UBR1: variants seen among roughly 807,000 people sequenced by gnomAD.
The protein encoded by UBR1 is E3 ubiquitin-protein ligase UBR1.
A neutral mutation model predicts 242.1 loss-of-function variants in UBR1; 102 were observed. The ratio of observed to expected loss-of-function variants is 0.42; its 90% confidence interval spans 0.36 to 0.50. The LOEUF is 0.50. Ranked by LOEUF, UBR1 falls within the 20% of genes least tolerant of loss-of-function variation. The pLI, the probability that UBR1 is intolerant of heterozygous loss-of-function variation, is 0.01. For missense variants in UBR1, 1,772 were observed against 2,101.8 expected (o/e 0.84, Z 3.07); for synonymous variants, 675 against 684.8 (o/e 0.99, Z 0.22).
Position 42,990,129 on chromosome 15 carries a change from T to G in UBR1, c.3758-9A>C. The G allele has an allele frequency of 1.3e-6, 2 of 1,561,940 alleles. No individual in the cohort carries two copies. Among genetic ancestry groups the G allele is most frequent in the Non-Finnish European group, 1.7e-6 (2 of 1,144,138 alleles). On this transcript the variant is annotated splice_polypyrimidine_tract_variant and intron_variant, in intron 33 of 46. Coordinates refer to ENST00000290650, the MANE Select transcript of UBR1 (RefSeq NM_174916.3). ...AGGAATTGGGTTTTCTCCTTATAAA[T>G]TAAAAGGAAAAAGAAAGAAAAATCA...
At chr15:42,969,377 T>C (rs1320988124) in intron 40 of UBR1, among the ~76,000 whole-genome samples, 3 of 152,248 alleles carry the variant, frequency 2.0e-5, no homozygotes, top group Admixed American at 6.5e-5. Context: ...GCTTTTTTCT[T>C]GTAAATTTGT....
chr15:42,947,973 C>T (rs992384670), intron 46 of UBR1, among the ~76,000 whole-genome samples: 5 of 152,168 alleles, frequency 3.3e-5, no homozygotes, highest in Non-Finnish European at 5.9e-5. Context: ...GCCTGCATTG[C>T]CAAGTCAATC....
intron 44 of UBR1, among the ~76,000 whole-genome samples, chr15:42,954,089 T>C (rs1450319710): frequency 6.6e-6 from 1 of 152,036 alleles, no homozygotes; most frequent in Non-Finnish European, 1.5e-5. Context: ...CTCCCCATGT[T>C]GCCTAGGCTG....
intron 36 of UBR1, among the ~76,000 whole-genome samples, chr15:42,984,571 A>G (rs1168910801): frequency 6.6e-6 from 1 of 152,188 alleles, no homozygotes. Context: ...AATGTTATAT[A>G]ATGGTGTAAA....
intron 1 of UBR1, among the ~76,000 whole-genome samples, chr15:43,100,127 G>A (rs1339572136): frequency 5.3e-5 from 8 of 152,104 alleles, no homozygotes; most frequent in Non-Finnish European, 5.9e-5. Flanking sequence ...AACCCACCTC[G>A]GCCTCCCAAA....
At position 42,976,845 on chromosome 15, in the gene UBR1, G is replaced by A; in HGVS notation, c.4241C>T (p.Pro1414Leu). The A allele has an allele frequency of 4.3e-6, 7 of 1,613,844 alleles. No individual in the cohort carries two copies. Among genetic ancestry groups the A allele is most frequent in the Non-Finnish European group, 5.9e-6 (7 of 1,179,880 alleles). The change falls in exon 39 of 47, where the codon CCA (proline) becomes CTA (leucine). Residue 1414 changes from proline to leucine, a missense_variant. Physicochemically the swap from Pro to Leu is moderately conservative, Grantham distance 98. This residue lies in a region of UBR1 where 965 missense variants were observed against 1,079.7 expected (regional missense o/e 0.89). Coordinates refer to ENST00000290650, the MANE Select transcript of UBR1 (RefSeq NM_174916.3). ...AACAGGGTCATCCCAATACAAGGAT[G>A]GGAATGCTAACACAGCACCCACCTA... is the stretch of plus-strand genomic sequence containing the variant. ...HVLVGAVLAFPSLYWDDPVDL... is the reference protein window; with the variant it reads ...HVLVGAVLAFLSLYWDDPVDL...
At chr15:43,094,120 G>A (rs906525022) in intron 1 of UBR1, among the ~76,000 whole-genome samples, 1 of 152,048 alleles carries the variant, frequency 6.6e-6, no homozygotes, top group African/African-American at 2.4e-5. Context: ...CTTATCCTGA[G>A]CACTAAACTG....
intron 6 of UBR1, among the ~76,000 whole-genome samples, chr15:43,065,348 T>A (rs2033739224): frequency 6.6e-6 from 1 of 152,164 alleles, no homozygotes; most frequent in African/African-American, 2.4e-5. Flanking sequence ...CCTTTCCTAT[T>A]CTCTTCCTTT....
In UBR1 at chr15:43,037,854, T is replaced by C. The variant is rs2033357316; in HGVS notation, c.1941A>G (p.Glu647=). 1 of 1,613,978 alleles carries C rather than the reference T, an allele frequency of 6.2e-7. No homozygotes were observed. The change falls in exon 17 of 47, where the codon GAA becomes GAG. Residue 647 remains glutamate (E), a synonymous_variant. Coordinates refer to ENST00000290650, the MANE Select transcript of UBR1 (RefSeq NM_174916.3). ...FEDFQVEVLV[E]YPLRCLVLVA... ...CCAACACCAGACAACGTAAAGGATA[T>C]TCCACTAGTACCTCTACTTGAAAGT...
chr15:43,094,204 C>A (rs902212246), intron 1 of UBR1, among the ~76,000 whole-genome samples: 1 of 151,914 alleles, frequency 6.6e-6, no homozygotes, highest in Admixed American at 6.6e-5. Flanking sequence ...CTGAGGCGGG[C>A]GGATTACTTG....
intron 16 of UBR1, 127 bp from the exon 17 acceptor site, chr15:43,038,010 A>C: frequency 8.4e-7 from 1 of 1,195,568 alleles, no homozygotes; most frequent in East Asian, 2.5e-5. Flanking sequence ...ATGACGTCTA[A>C]GTCCCTGTGA....
intron 33 of UBR1, among the ~76,000 whole-genome samples, chr15:42,992,822 G>C (rs750421117): frequency 6.6e-6 from 1 of 152,184 alleles, no homozygotes; most frequent in Non-Finnish European, 1.5e-5. Flanking sequence ...CATGCTGTCA[G>C]TCAGATTTAT....
At chr15:42,972,722 C>T (rs1237185343) in intron 39 of UBR1, among the ~76,000 whole-genome samples, 1 of 152,160 alleles carries the variant, frequency 6.6e-6, no homozygotes, top group African/African-American at 2.4e-5. Flanking sequence ...TCTGGATATA[C>T]TGTAATTTAT....
chr15:43,093,749 G>A (rs999324274), intron 1 of UBR1, among the ~76,000 whole-genome samples: 4 of 135,050 alleles, frequency 3.0e-5, no homozygotes, highest in Non-Finnish European at 4.5e-5. Context: ...TCGCGCCACC[G>A]CACTTCATTC....
intron 43 of UBR1, 98 bp from the exon 44 acceptor site, chr15:42,958,188 G>A (rs879118833): frequency 2.3e-5 from 16 of 700,650 alleles, no homozygotes; most frequent in South Asian, 3.9e-5. Context: ...AATAACAAAA[G>A]GATCTACACT....
chr15:42,946,623 C>G (rs2031739363), intron 46 of UBR1, among the ~76,000 whole-genome samples: 1 of 152,154 alleles, frequency 6.6e-6, no homozygotes, highest in Admixed American at 6.5e-5. Flanking sequence ...TAAGTGTATT[C>G]TTTCTGAGCA....
intron 3 of UBR1, among the ~76,000 whole-genome samples, chr15:43,080,248 A>G (rs1283915215): frequency 2.6e-5 from 4 of 152,220 alleles, no homozygotes; most frequent in Non-Finnish European, 5.9e-5. Flanking sequence ...TTAATGTATC[A>G]TGAAACATTT....
At position 43,019,727 on chromosome 15, in the gene UBR1, C is replaced by T. The variant is rs186069068; in HGVS notation, c.2940+1548G>A. Among the ~76,000 whole-genome samples the T allele has an allele frequency of 5.3e-4, 79 of 148,058 alleles. No homozygotes were observed. In the South Asian group the frequency reaches 6.4e-3, roughly 12 times the overall value. ...CCTCCTGAGTAGCTGGGATTACAGG[C>T]GCCTGCCACCACGCCTGCCACCACG... is the stretch of plus-strand genomic sequence containing the variant. On this transcript the variant is annotated intron_variant, in intron 27 of 46. Coordinates refer to ENST00000290650, the MANE Select transcript of UBR1 (RefSeq NM_174916.3).
intron 44 of UBR1, 42 bp downstream of exon 44, chr15:42,957,971 A>T (rs769746849): frequency 1.3e-6 from 2 of 1,531,660 alleles, no homozygotes; most frequent in Non-Finnish European, 1.8e-6. Context: ...AGTTCAGAAA[A>T]TGATTTAAAA....
Sources: allele counts gnomAD v4.1 joint callset (sites outside exome capture counted in the v4.1 genomes callset), GRCh38; gene constraint gnomAD v4.1.1; regional missense constraint gnomAD v4.1.1; transcripts MANE v1.5; gene names NCBI Gene and HGNC (gene_info 2026-07-23, HGNC 2026-07-21).